The following PPP1R3C variants were observed in gnomAD, a reference collection of about 807,000 sequenced individuals.
PPP1R3C encodes the protein protein phosphatase 1 regulatory subunit 3C, also known as PP1 subunit R5.
Under a neutral mutation model 29.3 loss-of-function variants are expected in PPP1R3C, and 20 were observed. The observed-to-expected ratio is 0.68, with a 90% CI of 0.48 to 0.99. The LOEUF (loss-of-function observed/expected upper bound fraction) is 0.99. Ranked by LOEUF, PPP1R3C falls within the 50% of genes least tolerant of loss-of-function variation. PPP1R3C has a pLI of 0.00. For synonymous variants in PPP1R3C, 123 were observed against 143.1 expected (o/e 0.86, Z 1.00); for missense variants, 321 against 386.0 (o/e 0.83, Z 1.41).
In PPP1R3C at chr10:91,629,405, C is replaced by G. The variant is rs181941186; in HGVS notation, c.*522G>C. 1.2e-5 allele frequency: 2 copies of G among 163,826 alleles called. No individual in the cohort carries two copies. The highest frequency in any genetic ancestry group is 2.4e-5 in the African/African-American group (1 of 41,516). The allele number at this position is 163,826 out of a possible 1,614,324, so 10.1% of individuals were successfully genotyped here. A position where few individuals can be genotyped will look rare whatever the true frequency, so the allele number is the denominator to read the frequency against. ...TATTTAGCTTTTCTCCACAAGGATA[C>G]GTAGAATGGATCTTTTTCCCCTCCA... On this transcript the variant is annotated 3_prime_UTR_variant, in exon 2 of 2. Transcript: ENST00000238994.
chr10:91,632,947 C>T lies in PPP1R3C; in HGVS notation c.14+9G>A. The T allele has an allele frequency of 6.2e-7, 1 of 1,612,202 alleles. No homozygotes were observed. The highest frequency in any genetic ancestry group is 8.5e-7 in the Non-Finnish European group (1 of 1,179,278). On this transcript the variant is annotated intron_variant, in intron 1 of 1. Coordinates refer to ENST00000238994, the MANE Select transcript of PPP1R3C (RefSeq NM_005398.7). Reference sequence around the variant, plus strand: ...GTGTTCCTAGCGCGCAGAGTTGCAGCGAACCTACCTGGTGCAGCTCATTAG... The same window carrying T: ...GTGTTCCTAGCGCGCAGAGTTGCAGTGAACCTACCTGGTGCAGCTCATTAG...
In PPP1R3C at chr10:91,632,973, G is replaced by T. The variant is rs777033392; in HGVS notation, c.-4C>A. ...GAACCTACCTGGTGCAGCTCATTAG[G>T]CAGAGAGGCGGCGGACCCTAAAAGC... On this transcript the variant is annotated 5_prime_UTR_variant, in exon 1 of 2. Coordinates refer to ENST00000238994, the MANE Select transcript of PPP1R3C (RefSeq NM_005398.7). 5.6e-6 allele frequency: 9 copies of T among 1,612,520 alleles called. No individual in the cohort carries two copies. The Admixed American group carries it at 1.5e-4, about 27-fold the overall frequency.
At position 91,629,651 on chromosome 10, in the gene PPP1R3C, T is replaced by C; in HGVS notation, c.*276A>G. On this transcript the variant is annotated 3_prime_UTR_variant, in exon 2 of 2. Coordinates refer to ENST00000238994, the MANE Select transcript of PPP1R3C (RefSeq NM_005398.7). ...CTTGCCCAACATGAAAGCTAGTGGA[T>C]TGAGAGGGAAGGAAGAAGGGAACTG... is the stretch of plus-strand genomic sequence containing the variant. The C allele has an allele frequency of 2.2e-6, 1 of 463,306 alleles. No individual in the cohort carries two copies. Among genetic ancestry groups the C allele is most frequent in the Non-Finnish European group, 3.9e-6 (1 of 254,258 alleles). 28.7% of individuals were successfully genotyped at this position (463,306 alleles called of 1,614,324 possible). A position where few individuals can be genotyped will look rare whatever the true frequency, so the allele number is the denominator to read the frequency against.
At chr10:91,632,716 A>C (rs1333454010) in intron 1 of PPP1R3C, among the ~76,000 whole-genome samples, 3 of 152,174 alleles carry the variant, frequency 2.0e-5, no homozygotes, top group Non-Finnish European at 4.4e-5. Context: ...AAGCTGATTC[A>C]CGTTAAGATA....
In PPP1R3C at chr10:91,632,917, C is replaced by G. The variant is rs921070837; in HGVS notation, c.14+39G>C. On this transcript the variant is annotated intron_variant, in intron 1 of 1. Coordinates refer to ENST00000238994, the MANE Select transcript of PPP1R3C (RefSeq NM_005398.7). Reference sequence around the variant, plus strand: ...CCCAACTTCCCCACAGCTGCGCGTTCCCCTGTGTTCCTAGCGCGCAGAGTT... The same window carrying G: ...CCCAACTTCCCCACAGCTGCGCGTTGCCCTGTGTTCCTAGCGCGCAGAGTT... 5 of 1,604,804 alleles carry G rather than the reference C, an allele frequency of 3.1e-6. No homozygotes were observed. The Admixed American group carries it at 6.8e-5, about 22-fold the overall frequency.
At position 91,628,613 on chromosome 10, in the gene PPP1R3C, A is replaced by C. The variant is rs1848680088; in HGVS notation, c.*1314T>G. 6.6e-6 allele frequency: 1 copy of C among 152,216 alleles called. No individual in the cohort carries two copies. Among genetic ancestry groups the C allele is most frequent in the Non-Finnish European group, 1.5e-5 (1 of 68,034 alleles). 9.4% of individuals were successfully genotyped at this position (152,216 alleles called of 1,614,324 possible). A position where few individuals can be genotyped will look rare whatever the true frequency, so the allele number is the denominator to read the frequency against. On this transcript the variant is annotated 3_prime_UTR_variant, in exon 2 of 2. Coordinates refer to ENST00000238994, the MANE Select transcript of PPP1R3C (RefSeq NM_005398.7). ...TGGCACATCACACATGTTAAAATTAACTGCATTCTTGTAACACCTCTCAAT... is the reference window on the plus strand; with the variant it reads ...TGGCACATCACACATGTTAAAATTACCTGCATTCTTGTAACACCTCTCAAT...
In PPP1R3C at chr10:91,632,924, G is replaced by GTTCC. The variant is rs990168710; in HGVS notation, c.14+28_14+31dup. ...TCCCCACAGCTGCGCGTTCCCCTGT[G>GTTCC]TTCCTAGCGCGCAGAGTTGCAGCGA... On this transcript the variant is annotated intron_variant, in intron 1 of 1. Transcript: ENST00000238994. 3.7e-6 allele frequency: 6 copies of GTTCC among 1,608,224 alleles called. No individual in the cohort carries two copies. The Admixed American group carries it at 6.7e-5, about 18-fold the overall frequency.
Position 91,630,500 on chromosome 10 carries a change from T to C in PPP1R3C, c.381A>G (p.Lys127=), listed in dbSNP as rs753378595. Residue 127 remains lysine, a synonymous_variant, in exon 2 of 2, where the codon AAA becomes AAG. Transcript: ENST00000238994. The surrounding 1 kb of genome is among the most constrained non-coding windows in gnomAD (Gnocchi z 4.4). ...LDLNDISSAL[K]HHEEKNLILD... ...AAATCAAGTTTTTCTCCTCGTGGTG[T>C]TTTAAGGCAGAGGAGATATCATTAA... 33 of 1,613,978 alleles carry C rather than the reference T, an allele frequency of 2.0e-5. 1 individual carries two copies. The South Asian group carries it at 3.5e-4, about 17-fold the overall frequency.
Position 91,630,994 on chromosome 10 carries a change from TCA to T in PPP1R3C, c.15-130_15-129del. On this transcript the variant is annotated intron_variant, in intron 1 of 1. Transcript: ENST00000238994. The surrounding 1 kb of genome is among the most constrained non-coding windows in gnomAD (Gnocchi z 4.4). ...TGCACTAGATATCAGGCAGGTGCTA[TCA>T]TATGTAGTAAAAGAGAACAGTATTA... 1.2e-6 allele frequency: 1 copy of T among 800,722 alleles called. No individual in the cohort carries two copies. The highest frequency in any genetic ancestry group is 2.1e-6 in the Non-Finnish European group (1 of 475,020). The allele number at this position is 800,722 out of a possible 1,614,324, so 49.6% of individuals were successfully genotyped here.
rs867116532 is a variant in PPP1R3C, at chr10:91,628,962, C to T, written c.*965G>A. 6.6e-6 allele frequency: 1 copy of T among 152,208 alleles called. No homozygotes were observed. The highest frequency in any genetic ancestry group is 6.6e-5 in the Admixed American group (1 of 15,264). The allele number at this position is 152,208 out of a possible 1,614,324, so 9.4% of individuals were successfully genotyped here. On this transcript the variant is annotated 3_prime_UTR_variant, in exon 2 of 2. Coordinates refer to ENST00000238994, the MANE Select transcript of PPP1R3C (RefSeq NM_005398.7). Reference sequence around the variant, plus strand: ...TACACTGACAACGGTCTCAAAGATACAACATTATTGCAGGAGGAATGCCTG... The same window carrying T: ...TACACTGACAACGGTCTCAAAGATATAACATTATTGCAGGAGGAATGCCTG...
In PPP1R3C at chr10:91,629,753, G is replaced by C; in HGVS notation, c.*174C>G. On this transcript the variant is annotated 3_prime_UTR_variant, in exon 2 of 2. Transcript: ENST00000238994. ...AAAGCCAAATTGGGTAGCATCATCT[G>C]TACAGACCCCAACACTAAATTCTCA... 2 of 731,646 alleles carry C rather than the reference G, an allele frequency of 2.7e-6. No homozygotes were observed. Among genetic ancestry groups the C allele is most frequent in the Non-Finnish European group, 2.3e-6 (1 of 431,054 alleles). 45.3% of individuals were successfully genotyped at this position (731,646 alleles called of 1,614,324 possible).
Position 91,630,861 on chromosome 10 carries a change from A to T in PPP1R3C, c.20T>A (p.Ile7Asn), listed in dbSNP as rs1848711248. 9 of 1,610,100 alleles carry T rather than the reference A, an allele frequency of 5.6e-6. No individual in the cohort carries two copies. Among genetic ancestry groups the T allele is most frequent in the Non-Finnish European group, 7.6e-6 (9 of 1,179,676 alleles). Residue 7 changes from isoleucine (I) to asparagine (N), a missense_variant, in exon 2 of 2, where the codon ATC becomes AAC. Transcript: ENST00000238994. The surrounding 1 kb of genome is among the most constrained non-coding windows in gnomAD (Gnocchi z 4.4). Reference sequence around the variant, plus strand: ...CAAAGGACGTGGATCTAAAACCTGGATCATTCTGGAATGCAAAAAGAAGAG... The same window carrying T: ...CAAAGGACGTGGATCTAAAACCTGGTTCATTCTGGAATGCAAAAAGAAGAG... MSCTRMIQVLDPRPLTS... is the reference protein window; with the variant it reads MSCTRMNQVLDPRPLTS...
Position 91,628,888 on chromosome 10 carries a change from A to C in PPP1R3C, c.*1039T>G, listed in dbSNP as rs1208233472. 2.0e-5 allele frequency: 3 copies of C among 152,542 alleles called. No individual in the cohort carries two copies. Among genetic ancestry groups the C allele is most frequent in the Non-Finnish European group, 2.9e-5 (2 of 68,044 alleles). 9.4% of individuals were successfully genotyped at this position (152,542 alleles called of 1,614,324 possible). A position where few individuals can be genotyped will look rare whatever the true frequency, so the allele number is the denominator to read the frequency against. On this transcript the variant is annotated 3_prime_UTR_variant, in exon 2 of 2. Coordinates refer to ENST00000238994, the MANE Select transcript of PPP1R3C (RefSeq NM_005398.7). ...CCTCACGTCAAGCATCACATCAAAA[A>C]AGTGTGCAGAAAAATGAGTCACCTT... is the stretch of plus-strand genomic sequence containing the variant.
In PPP1R3C at chr10:91,630,381, C is replaced by G; in HGVS notation, c.500G>C (p.Arg167Pro). The change falls in exon 2 of 2, where the codon CGA becomes CCA. Residue 167 changes from arginine (R) to proline (P), a missense_variant. Coordinates refer to ENST00000238994, the MANE Select transcript of PPP1R3C (RefSeq NM_005398.7). The surrounding 1 kb of genome is among the most constrained non-coding windows in gnomAD (Gnocchi z 4.4). The stretch of plus-strand genomic sequence containing the variant: ...GACTTTAACAGTCCCTGTCACTGTT[C>G]GCTCTTGCAACGAGCAGTTCTCCAG... ...VCLENCSLQE[R>P]TVTGTVKVKN... The G allele has an allele frequency of 6.2e-7, 1 of 1,614,166 alleles. No homozygotes were observed. Among genetic ancestry groups the G allele is most frequent in the South Asian group, 1.1e-5 (1 of 91,084 alleles).
In PPP1R3C at chr10:91,628,713, A is replaced by G. The variant is rs576424630; in HGVS notation, c.*1214T>C. ...TCCTACAGAATGAATTTATGCACAC[A>G]CAAAAACAAGTATAATACAAAACAT... On this transcript the variant is annotated 3_prime_UTR_variant, in exon 2 of 2. Coordinates refer to ENST00000238994, the MANE Select transcript of PPP1R3C (RefSeq NM_005398.7). The G allele has an allele frequency of 2.6e-4, 39 of 152,286 alleles. No individual in the cohort carries two copies. The highest frequency in any genetic ancestry group is 4.4e-4 in the Non-Finnish European group (30 of 68,048). The allele number at this position is 152,286 out of a possible 1,614,324, so 9.4% of individuals were successfully genotyped here. A position where few individuals can be genotyped will look rare whatever the true frequency, so the allele number is the denominator to read the frequency against.
chr10:91,631,527 GAA>G (rs11364985), intron 1 of PPP1R3C, among the ~76,000 whole-genome samples: 15 of 147,582 alleles, frequency 1.0e-4, no homozygotes, highest in Admixed American at 2.7e-4. Flanking sequence ...TAATTCACTT[GAA>G]AAAAAAAAAA....
rs752149540 is a variant in PPP1R3C, at chr10:91,630,286, C to T, written c.595G>A (p.Val199Ile). The T allele has an allele frequency of 4.8e-5, 77 of 1,613,972 alleles. No homozygotes were observed. The highest frequency in any genetic ancestry group is 6.1e-5 in the Non-Finnish European group (72 of 1,179,912). ...ACATTTTTCATATAGACACAGTCTA[C>T]GTCAGTGTAGTTTTTCCAAGAATCG... ...TFDSWKNYTDVDCVYMKNVYG... is the reference protein window; with the variant it reads ...TFDSWKNYTDIDCVYMKNVYG... Residue 199 changes from valine to isoleucine, a missense_variant, in exon 2 of 2, where the codon GTA (valine) becomes ATA (isoleucine). Coordinates refer to ENST00000238994, the MANE Select transcript of PPP1R3C (RefSeq NM_005398.7). This position sits in a 1 kb window ranked among gnomAD's most constrained non-coding sequence, Gnocchi z 4.4.
At position 91,630,985 on chromosome 10, in the gene PPP1R3C, C is replaced by G. The variant is rs1003464422; in HGVS notation, c.15-119G>C. 4 of 837,892 alleles carry G rather than the reference C, an allele frequency of 4.8e-6. No homozygotes were observed. The African/African-American group carries it at 5.0e-5, about 11-fold the overall frequency. 51.9% of individuals were successfully genotyped at this position (837,892 alleles called of 1,614,324 possible). A position where few individuals can be genotyped will look rare whatever the true frequency, so the allele number is the denominator to read the frequency against. On this transcript the variant is annotated intron_variant, in intron 1 of 1. Coordinates refer to ENST00000238994, the MANE Select transcript of PPP1R3C (RefSeq NM_005398.7). The surrounding 1 kb of genome is among the most constrained non-coding windows in gnomAD (Gnocchi z 4.4). ...TATAGCCAGTGCACTAGATATCAGG[C>G]AGGTGCTATCATATGTAGTAAAAGA... is the stretch of plus-strand genomic sequence containing the variant.
In PPP1R3C at chr10:91,632,170, C is replaced by CA. The variant is rs1401526163; in HGVS notation, c.14+785dup. Among the ~76,000 whole-genome samples the CA allele has an allele frequency of 1.4e-4, 21 of 152,292 alleles. No individual in the cohort carries two copies. The South Asian group carries it at 2.5e-3, about 18-fold the overall frequency. ...CTCACAGCAGCTCTAAACATGTATG[C>CA]AAGTGGTCATTATCACAAAAGTGTG... On this transcript the variant is annotated intron_variant, in intron 1 of 1. Coordinates refer to ENST00000238994, the MANE Select transcript of PPP1R3C (RefSeq NM_005398.7).
Sources: allele counts gnomAD v4.1 joint callset (sites outside exome capture counted in the v4.1 genomes callset), GRCh38; gene constraint gnomAD v4.1.1; non-coding constraint Gnocchi (gnomAD v3.1); transcripts MANE v1.5; gene names NCBI Gene and HGNC (gene_info 2026-07-23, HGNC 2026-07-21).